Variants in OLA1 observed in about 807,000 individuals in gnomAD.
The protein encoded by OLA1 is obg-like ATPase 1.
A neutral mutation model predicts 48.4 loss-of-function variants in OLA1; 14 were observed. The observed-to-expected ratio is 0.29, with a 90% CI of 0.19 to 0.45. The LOEUF is 0.45. OLA1 is among the 20% of genes least tolerant of loss of function. The pLI, the probability that OLA1 is intolerant of heterozygous loss-of-function variation, is 1.00. For missense variants in OLA1, 325 were observed against 467.1 expected (o/e 0.70, Z 2.80); for synonymous variants, 127 against 150.4 (o/e 0.84, Z 1.14).
chr2:174,198,451 A>G (rs995829503), intron 4 of OLA1, among the ~76,000 whole-genome samples: 4 of 152,146 alleles, frequency 2.6e-5, no homozygotes, highest in Non-Finnish European at 5.9e-5. Context: ...TTCTTAAAGT[A>G]TGGTCCATAA....
chr2:174,140,889 A>C (rs1288301846), intron 5 of OLA1, among the ~76,000 whole-genome samples: 1 of 152,020 alleles, frequency 6.6e-6, no homozygotes, highest in African/African-American at 2.4e-5. Flanking sequence ...TGTGTTGGTT[A>C]CTTTCTCTTA....
At chr2:174,188,331 T>C (rs1478979638) in intron 4 of OLA1, among the ~76,000 whole-genome samples, 1 of 151,940 alleles carries the variant, frequency 6.6e-6, no homozygotes, top group Non-Finnish European at 1.5e-5. Context: ...AAACCCACTT[T>C]CTGGTCCTTC....
At position 174,081,983 on chromosome 2, in the gene OLA1, C is replaced by T. The variant is rs1322345461; in HGVS notation, c.810G>A (p.Lys270=). 1.9e-6 allele frequency: 3 copies of T among 1,613,224 alleles called. No homozygotes were observed. The highest frequency in any genetic ancestry group is 3.3e-5 in the Admixed American group (2 of 59,978). ...VIPFSGALEL[K]LQELSAEERQ... Reference sequence around the variant, plus strand: ...TCTCCTCAGCACTCAATTCTTGCAACTTGAGTTCCAAGGCCCCACTAAAAG... The same window carrying T: ...TCTCCTCAGCACTCAATTCTTGCAATTTGAGTTCCAAGGCCCCACTAAAAG... The change falls in exon 8 of 11, where the codon AAG becomes AAA. Residue 270 remains lysine (K), a synonymous_variant. Transcript: ENST00000284719.
At chr2:174,164,315 G>C (rs1262111517) in intron 4 of OLA1, among the ~76,000 whole-genome samples, 10 of 79,218 alleles carry the variant, frequency 1.3e-4, no homozygotes, top group Admixed American at 1.0e-3. Flanking sequence ...CTCCCATATG[G>C]ACAAGGTTAG....
At chr2:174,163,707 A>T (rs180855736) in intron 4 of OLA1, among the ~76,000 whole-genome samples, 54 of 39,948 alleles carry the variant, frequency 1.4e-3, no homozygotes, top group Non-Finnish European at 1.9e-3. Flanking sequence ...AAAATAAATA[A>T]ATAAATATAT....
chr2:174,153,763 A>T (rs1465281683), intron 4 of OLA1, among the ~76,000 whole-genome samples: 1 of 152,246 alleles, frequency 6.6e-6, no homozygotes, highest in African/African-American at 2.4e-5. Flanking sequence ...AAAAAGAAGT[A>T]TCTTAATGAG....
intron 4 of OLA1, among the ~76,000 whole-genome samples, chr2:174,154,960 C>T (rs1477004715): frequency 2.6e-5 from 4 of 152,130 alleles, no homozygotes; most frequent in African/African-American, 9.7e-5. Context: ...GAATATTCTT[C>T]CTTCTTACTT....
At chr2:174,215,705 T>C (rs775264527) in intron 4 of OLA1, among the ~76,000 whole-genome samples, 5 of 152,298 alleles carry the variant, frequency 3.3e-5, no homozygotes, top group Non-Finnish European at 5.9e-5. Context: ...AGACCATACA[T>C]GGAACCATTC....
At chr2:174,097,601 G>A (rs1685286504) in intron 7 of OLA1, among the ~76,000 whole-genome samples, 1 of 151,954 alleles carries the variant, frequency 6.6e-6, no homozygotes, top group South Asian at 2.1e-4. Context: ...CCAGGAGTCT[G>A]AGACCAGCCT....
intron 2 of OLA1, among the ~76,000 whole-genome samples, chr2:174,241,356 T>A (rs1399442404): frequency 1.3e-5 from 2 of 152,226 alleles, no homozygotes; most frequent in East Asian, 1.9e-4. Flanking sequence ...TTGCTACACA[T>A]CAACAGATAA....
At chr2:174,112,461 CA>C (rs1685675860) in intron 7 of OLA1, among the ~76,000 whole-genome samples, 1 of 152,124 alleles carries the variant, frequency 6.6e-6, no homozygotes, top group South Asian at 2.1e-4. Context: ...ATTAGGCATA[CA>C]AATTATCTGC....
At chr2:174,092,491 C>A (rs975385985) in intron 7 of OLA1, among the ~76,000 whole-genome samples, 18 of 151,224 alleles carry the variant, frequency 1.2e-4, no homozygotes, top group Non-Finnish European at 2.5e-4. Flanking sequence ...ATGGTGAAAC[C>A]CCGTCTCTAT....
chr2:174,246,299 CA>C (rs113381257), intron 2 of OLA1, among the ~76,000 whole-genome samples: 64 of 139,854 alleles, frequency 4.6e-4, no homozygotes, highest in Non-Finnish European at 4.0e-4. Context: ...GACTCCATCT[CA>C]AAAAAAAAAA....
At chr2:174,079,114 A>G in intron 9 of OLA1, 24 bp from the exon 10 acceptor site, 3 of 1,571,154 alleles carry the variant, frequency 1.9e-6, no homozygotes, top group Non-Finnish European at 2.6e-6. Flanking sequence ...GACCAGAGAA[A>G]ACTAATTGCA....
intron 4 of OLA1, among the ~76,000 whole-genome samples, chr2:174,203,022 C>G (rs1688024971): frequency 6.6e-6 from 1 of 152,058 alleles, no homozygotes; most frequent in Non-Finnish European, 1.5e-5. Flanking sequence ...CAGAAACCAT[C>G]TGTAACTATA....
At chr2:174,130,100 GA>G (rs200611609) in intron 5 of OLA1, among the ~76,000 whole-genome samples, 2 of 151,688 alleles carry the variant, frequency 1.3e-5, no homozygotes, top group East Asian at 1.9e-4. Flanking sequence ...CGAAATTGAA[GA>G]AAAAAAATCA....
chr2:174,241,438 A>T (rs775259472), intron 2 of OLA1, among the ~76,000 whole-genome samples: 2 of 152,110 alleles, frequency 1.3e-5, no homozygotes, highest in African/African-American at 2.4e-5. Context: ...TTCCCTCAGC[A>T]ATGGTAAATG....
intron 4 of OLA1, among the ~76,000 whole-genome samples, chr2:174,179,377 T>C (rs920449478): frequency 6.6e-6 from 1 of 151,938 alleles, no homozygotes; most frequent in Admixed American, 6.5e-5. Flanking sequence ...GTTTATTAAA[T>C]ATTCAAAACT....
chr2:174,075,344 G>T lies in OLA1; in HGVS notation c.*82C>A. The T allele has an allele frequency of 7.0e-6, 5 of 711,804 alleles. No individual in the cohort carries two copies. Among genetic ancestry groups the T allele is most frequent in the South Asian group, 1.8e-5 (1 of 56,098 alleles). 44.1% of individuals were successfully genotyped at this position (711,804 alleles called of 1,614,324 possible). Reference sequence around the variant, plus strand: ...TCCCATCTCCCCAACTTTATTTGTCGCATTGGTTTTCAGAAATTTTAATTT... The same window carrying T: ...TCCCATCTCCCCAACTTTATTTGTCTCATTGGTTTTCAGAAATTTTAATTT... On this transcript the variant is annotated 3_prime_UTR_variant, in exon 11 of 11. Transcript: ENST00000284719.
Sources: gnomAD v4.1 joint callset for allele counts (sites outside exome capture counted in the v4.1 genomes callset) on GRCh38, gnomAD v4.1.1 for gene constraint, MANE v1.5 for transcripts, NCBI Gene and HGNC (gene_info 2026-07-23, HGNC 2026-07-21) for gene names.